Variants in FBXO34 observed in about 807,000 individuals in gnomAD.
The protein encoded by FBXO34 is F-box only protein 34.
In FBXO34, 12 loss-of-function variants were observed where a neutral mutation model predicts 24.5. The ratio of observed to expected loss-of-function variants is 0.49; its 90% confidence interval spans 0.31 to 0.79. The LOEUF (loss-of-function observed/expected upper bound fraction) is 0.79, where lower values mean the gene tolerates loss of function less well. Among genes scored for constraint, FBXO34 ranks in the 30% least tolerant of loss-of-function variants. The probability of loss-of-function intolerance (pLI) is 0.04; values close to 1 mark genes in which losing one functional copy is unlikely to be tolerated. For synonymous variants in FBXO34, 320 were observed against 311.9 expected, an observed-to-expected ratio of 1.03 and a Z score of -0.27; for missense variants, 823 against 857.7, an observed-to-expected ratio of 0.96 and a Z score of 0.51.
the FBXO34 span, chr14:55,378,103 T>G: frequency 1.7e-4 from 274 of 1,589,164 alleles, no homozygotes; most frequent in Non-Finnish European, 2.2e-4. Context: ...ATTTATAAAG[T>G]TGCATTTTTT....
the FBXO34 span, chr14:55,437,169 G>A: frequency 2.9e-6 from 2 of 685,144 alleles, no homozygotes; most frequent in Non-Finnish European, 4.9e-6. Context: ...CTTTTTTCTA[G>A]AAAATGCCAT....
At chr14:55,435,846 C>T in the FBXO34 span, 1 of 1,553,684 alleles carries the variant, frequency 6.4e-7, no homozygotes, top group Non-Finnish European at 8.6e-7. Flanking sequence ...AGAAATGTTA[C>T]CTTTGGGTTA....
chr14:55,415,341 C>T, the FBXO34 span, among the ~76,000 whole-genome samples: 2 of 152,110 alleles, frequency 1.3e-5, no homozygotes, highest in Non-Finnish European at 2.9e-5. Context: ...CTCTTAAGAA[C>T]TATAAAGTAC....
chr14:55,377,684 C>A, the FBXO34 span: 1 of 494,390 alleles, frequency 2.0e-6, no homozygotes, highest in East Asian at 3.2e-5. Context: ...TTGTTTCTTT[C>A]TGTATTGGAC....
At chr14:55,399,681 A>C in the FBXO34 span, among the ~76,000 whole-genome samples, 3 of 152,228 alleles carry the variant, frequency 2.0e-5, no homozygotes, top group Non-Finnish European at 4.4e-5. Flanking sequence ...TATATCAGTG[A>C]GACAACAGGG....
Position 55,352,447 on chromosome 14 carries a change from A to G in FBXO34, c.2057A>G (p.His686Arg), listed in dbSNP as rs1368891420. Reference sequence around the variant, plus strand: ...TGTAAGCTGGGGCTTCATGACAATCACTGGGTTCCTGCCTGCCACAGCTTT... The same window carrying G: ...TGTAAGCTGGGGCTTCATGACAATCGCTGGGTTCCTGCCTGCCACAGCTTT... Reference protein sequence around the residue: ...PGCKLGLHDNHWVPACHSFNR... With the variant: ...PGCKLGLHDNRWVPACHSFNR... Residue 686 changes from histidine to arginine, a missense_variant, in exon 2 of 2, where the codon CAC becomes CGC. Transcript: ENST00000313833. The G allele has an allele frequency of 1.9e-6, 3 of 1,614,086 alleles. No individual in the cohort carries two copies. The highest frequency in any genetic ancestry group is 2.5e-6 in the Non-Finnish European group (3 of 1,180,036).
intron 1 of FBXO34, among the ~76,000 whole-genome samples, chr14:55,300,878 C>A (rs1380980858): frequency 6.6e-6 from 1 of 152,174 alleles, no homozygotes; most frequent in Non-Finnish European, 1.5e-5. Flanking sequence ...TTTTATTAAG[C>A]CTTATATCCC....
the FBXO34 span, among the ~76,000 whole-genome samples, chr14:55,422,688 C>T: frequency 2.0e-5 from 3 of 152,008 alleles, no homozygotes; most frequent in Non-Finnish European, 2.9e-5. Context: ...CCCATCTCTT[C>T]GAAAAATACA....
intron 1 of FBXO34, chr14:55,282,242 C>T (rs1881576013): frequency 3.3e-6 from 1 of 303,272 alleles, no homozygotes; most frequent in Non-Finnish European, 6.7e-6. Context: ...ATCCGCCCGC[C>T]TCAGCCTCCC....
the FBXO34 span, among the ~76,000 whole-genome samples, chr14:55,394,094 T>C: frequency 6.6e-6 from 1 of 151,292 alleles, no homozygotes; most frequent in African/African-American, 2.4e-5. Context: ...GTGATCTCTG[T>C]CTCCTGGGTT....
the FBXO34 span, among the ~76,000 whole-genome samples, chr14:55,434,555 C>A: frequency 2.2e-4 from 34 of 152,262 alleles, no homozygotes; most frequent in Middle Eastern, 3.4e-3. Context: ...CCTGCCCACC[C>A]CTACCCCTCG....
the FBXO34 span, among the ~76,000 whole-genome samples, chr14:55,399,862 C>T: frequency 4.6e-5 from 7 of 152,190 alleles, no homozygotes; most frequent in Admixed American, 3.9e-4. Flanking sequence ...GGAAGACAGA[C>T]AACTGTGTCT....
At chr14:55,390,275 T>C in the FBXO34 span, among the ~76,000 whole-genome samples, 1 of 152,076 alleles carries the variant, frequency 6.6e-6, no homozygotes, top group African/African-American at 2.4e-5. Flanking sequence ...TTCACCATGT[T>C]GGCCAGGCTG....
chr14:55,284,301 G>C (rs1056719380), intron 1 of FBXO34, among the ~76,000 whole-genome samples: 1 of 152,090 alleles, frequency 6.6e-6, no homozygotes, highest in African/African-American at 2.4e-5. Context: ...ATCACCTGAG[G>C]TCAGGAGTTC....
At chr14:55,359,591 G>T (rs1369811862) in intron 3 of FBXO34, among the ~76,000 whole-genome samples, 1 of 152,228 alleles carries the variant, frequency 6.6e-6, no homozygotes, top group East Asian at 1.9e-4. Context: ...CGACTGATCA[G>T]AGTTGGTGGC....
At chr14:55,323,225 A>AAT (rs1594751469) in intron 1 of FBXO34, among the ~76,000 whole-genome samples, 17 of 19,190 alleles carry the variant, frequency 8.9e-4, no homozygotes, top group East Asian at 4.2e-3. Flanking sequence ...AAAAATATAT[A>AAT]TTTTTTTTTT....
chr14:55,283,980 G>GTC (rs1881661399), intron 1 of FBXO34, among the ~76,000 whole-genome samples: 1 of 148,354 alleles, frequency 6.7e-6, no homozygotes, highest in African/African-American at 2.6e-5. Context: ...GTGTGTCTGT[G>GTC]TGTGTGTGTA....
chr14:55,395,916 A>G, the FBXO34 span: 1 of 1,503,024 alleles, frequency 6.7e-7, no homozygotes, highest in South Asian at 1.4e-5. Context: ...GCCTCAAGTA[A>G]AAAGAACATG....
chr14:55,284,058 G>A (rs905467260), intron 1 of FBXO34, among the ~76,000 whole-genome samples: 3 of 151,720 alleles, frequency 2.0e-5, no homozygotes, highest in African/African-American at 7.3e-5. Context: ...CAGTGCAGTG[G>A]CACGGTCATA....
Sources: gnomAD v4.1 joint callset for allele counts (sites outside exome capture counted in the v4.1 genomes callset) on GRCh38, gnomAD v4.1.1 for gene constraint, MANE v1.5 for transcripts, NCBI Gene and HGNC (gene_info 2026-07-23, HGNC 2026-07-21) for gene names.